DGKI: variants seen among roughly 807,000 people sequenced by gnomAD.
DGKI encodes the protein DAG kinase iota.
A neutral mutation model predicts 147.5 loss-of-function variants in DGKI; 55 were observed. The ratio of observed to expected loss-of-function variants is 0.37; its 90% CI spans 0.30 to 0.47. The LOEUF (loss-of-function observed/expected upper bound fraction) is 0.47, where lower values mean the gene tolerates loss of function less well. Among genes scored for constraint, DGKI ranks in the 20% least tolerant of loss-of-function variants. DGKI has a pLI of 1.00. For missense variants in DGKI, 1,007 were observed against 1,323.8 expected, an observed-to-expected ratio of 0.76 and a Z score of 3.71; for synonymous variants, 469 against 477.1, an observed-to-expected ratio of 0.98 and a Z score of 0.22.
chr7:137,487,289 A>G (rs1815599259), intron 22 of DGKI, among the ~76,000 whole-genome samples: 1 of 152,120 alleles, frequency 6.6e-6, no homozygotes, highest in African/African-American at 2.4e-5. Context: ...TTCTTTCATT[A>G]TTTATCAGTC....
chr7:137,529,778 T>C (rs1201576378), intron 20 of DGKI, among the ~76,000 whole-genome samples: 1 of 152,278 alleles, frequency 6.6e-6, no homozygotes, highest in East Asian at 1.9e-4. Context: ...GACTTTTTGC[T>C]CTTGTCGCCC....
At chr7:137,731,043 C>A (rs1794868457) in intron 1 of DGKI, among the ~76,000 whole-genome samples, 1 of 152,048 alleles carries the variant, frequency 6.6e-6, no homozygotes, top group Non-Finnish European at 1.5e-5. Context: ...GCCTCAGCCA[C>A]AATGGCCCTC....
intron 27 of DGKI, among the ~76,000 whole-genome samples, chr7:137,455,732 T>C (rs1233410031): frequency 6.6e-6 from 1 of 151,546 alleles, no homozygotes; most frequent in Non-Finnish European, 1.5e-5. Context: ...CTGATCTTCT[T>C]AGAGTAGGGG....
intron 1 of DGKI, among the ~76,000 whole-genome samples, chr7:137,840,825 C>T (rs149881730): frequency 6.6e-6 from 1 of 152,284 alleles, no homozygotes; most frequent in East Asian, 1.9e-4. Context: ...AAATACTTAT[C>T]CAACACCTAC....
intron 3 of DGKI, among the ~76,000 whole-genome samples, chr7:137,667,577 A>G (rs1017872795): frequency 3.3e-5 from 5 of 152,150 alleles, no homozygotes; most frequent in Non-Finnish European, 7.3e-5. Context: ...TACTTTGTGG[A>G]AATAGAATTA....
chr7:137,461,421 C>T (rs1338518079), intron 27 of DGKI, among the ~76,000 whole-genome samples: 3 of 152,192 alleles, frequency 2.0e-5, no homozygotes, highest in Middle Eastern at 3.4e-3. Context: ...TAGATATTTC[C>T]ACAACTGCAA....
At chr7:137,645,141 G>T (rs1262025668) in intron 6 of DGKI, among the ~76,000 whole-genome samples, 2 of 152,168 alleles carry the variant, frequency 1.3e-5, no homozygotes, top group Non-Finnish European at 2.9e-5. Flanking sequence ...CCATTGATTT[G>T]CTGCGATTGG....
At chr7:137,812,179 A>G (rs2117004455) in intron 1 of DGKI, among the ~76,000 whole-genome samples, 1 of 152,316 alleles carries the variant, frequency 6.6e-6, no homozygotes, top group Non-Finnish European at 1.5e-5. Flanking sequence ...GTTCATAATG[A>G]TTATTCATAG....
chr7:137,581,975 A>C (rs748600155), intron 14 of DGKI, 47 bp from the exon 15 acceptor site: 1 of 1,480,704 alleles, frequency 6.8e-7, no homozygotes, highest in Admixed American at 1.7e-5. Context: ...GTGGCCAGGC[A>C]GAAAGAGAAG....
At chr7:137,686,188 G>C (rs1823408716) in intron 2 of DGKI, among the ~76,000 whole-genome samples, 1 of 152,204 alleles carries the variant, frequency 6.6e-6, no homozygotes, top group Non-Finnish European at 1.5e-5. Flanking sequence ...CAACAGAGAG[G>C]TGTTGTGAGG....
At chr7:137,764,772 G>A (rs1353599589) in intron 1 of DGKI, among the ~76,000 whole-genome samples, 3 of 152,148 alleles carry the variant, frequency 2.0e-5, no homozygotes, top group Non-Finnish European at 4.4e-5. Flanking sequence ...TTTTCCTGCA[G>A]CTCAGGATAA....
intron 15 of DGKI, among the ~76,000 whole-genome samples, chr7:137,581,641 G>A (rs1443464468): frequency 6.6e-6 from 1 of 151,842 alleles, no homozygotes; most frequent in Non-Finnish European, 1.5e-5. Flanking sequence ...TAGGTCTCAG[G>A]GTCCCATTTG....
chr7:137,588,607 G>C (rs955075698), intron 12 of DGKI, among the ~76,000 whole-genome samples: 1 of 151,448 alleles, frequency 6.6e-6, no homozygotes, highest in African/African-American at 2.4e-5. Context: ...CTCCCAAGTA[G>C]CCGGGACTAC....
intron 7 of DGKI, 36 bp downstream of exon 7, chr7:137,623,447 A>G (rs763415554): frequency 6.3e-7 from 1 of 1,588,348 alleles, no homozygotes; most frequent in South Asian, 1.1e-5. Flanking sequence ...TCGACAAAAC[A>G]TGAGCCCACA....
At chr7:137,721,727 C>T (rs1337686151) in intron 1 of DGKI, among the ~76,000 whole-genome samples, 1 of 152,138 alleles carries the variant, frequency 6.6e-6, no homozygotes, top group East Asian at 1.9e-4. Flanking sequence ...CACAGCCTAC[C>T]AGGCCTATAC....
intron 3 of DGKI, among the ~76,000 whole-genome samples, chr7:137,662,240 C>CTTTTT (rs1170356266): frequency 2.4e-5 from 3 of 126,434 alleles, no homozygotes; most frequent in South Asian, 5.1e-4. Context: ...CAGCACACTC[C>CTTTTT]TTTTTTTTTT....
intron 1 of DGKI, among the ~76,000 whole-genome samples, chr7:137,794,339 CAAG>C (rs994837795): frequency 5.9e-5 from 9 of 152,226 alleles, no homozygotes; most frequent in African/African-American, 1.4e-4. Flanking sequence ...TAAAGAGTTA[CAAG>C]AAGGACAAGA....
At chr7:137,395,743 G>T (rs368986784) in intron 31 of DGKI, 46 bp from the exon 32 acceptor site, 3 of 1,580,570 alleles carry the variant, frequency 1.9e-6, no homozygotes, top group Non-Finnish European at 2.6e-6. Flanking sequence ...GGGGTTGGAG[G>T]CAGCAGGGAA....
At chr7:137,496,195 C>A (rs1815958967) in intron 21 of DGKI, among the ~76,000 whole-genome samples, 1 of 151,404 alleles carries the variant, frequency 6.6e-6, no homozygotes, top group African/African-American at 2.4e-5. Flanking sequence ...ATAAAAAACA[C>A]AATCCTATTC....
Sources: allele counts gnomAD v4.1 joint callset (sites outside exome capture counted in the v4.1 genomes callset), GRCh38; gene constraint gnomAD v4.1.1; transcripts MANE v1.5; gene names NCBI Gene and HGNC (gene_info 2026-07-23, HGNC 2026-07-21).